The following CPA1 variants were observed in gnomAD, a reference collection of about 807,000 sequenced individuals.
CPA1 encodes the protein carboxypeptidase A1 (pancreatic).
A neutral mutation model predicts 48.7 loss-of-function variants in CPA1; 42 were observed. The ratio of observed to expected loss-of-function variants is 0.86; its 90% CI spans 0.67 to 1.11. The LOEUF is 1.11. Ranked by LOEUF, CPA1 falls within the 50% of genes most tolerant of loss-of-function variation. The pLI, the probability that CPA1 is intolerant of heterozygous loss-of-function variation, is 0.00. For missense variants in CPA1, 477 were observed against 544.7 expected, an observed-to-expected ratio of 0.88 and a Z score of 1.24; for synonymous variants, 203 against 217.9, an observed-to-expected ratio of 0.93 and a Z score of 0.60.
chr7:130,386,085 C>A (rs1796471332), intron 9 of CPA1, 162 bp downstream of exon 9: 3 of 595,150 alleles, frequency 5.0e-6, no homozygotes, highest in Non-Finnish European at 9.1e-6. Context: ...CTTTTCCTGA[C>A]ATGAACTCTG....
chr7:130,385,985 C>A, intron 9 of CPA1, 62 bp downstream of exon 9: 1 of 1,432,854 alleles, frequency 7.0e-7, no homozygotes, highest in Non-Finnish European at 9.8e-7. Context: ...CTCTTCCTGA[C>A]CGAGGGAGTA....
At position 130,385,873 on chromosome 7, in the gene CPA1, C is replaced by A. The variant is rs1374839239; in HGVS notation, c.1022C>A (p.Ala341Asp). ...QLSKAAVTALASLYGTKFNYG... is the reference protein window; with the variant it reads ...QLSKAAVTALDSLYGTKFNYG... ...TCCAAGGCTGCTGTGACAGCCCTGG[C>A]CTCTCTCTACGGGACCAAGTTCAAC... The change falls in exon 9 of 10, where the codon GCC (alanine) becomes GAC (aspartate). Residue 341 changes from alanine (A) to aspartate (D), a missense_variant. Coordinates refer to ENST00000011292, the MANE Select transcript of CPA1 (RefSeq NM_001868.4). The A allele has an allele frequency of 1.2e-6, 2 of 1,614,028 alleles. No homozygotes were observed. The highest frequency in any genetic ancestry group is 2.7e-5 in the African/African-American group (2 of 74,930).
Position 130,387,980 on chromosome 7 carries a change from T to C in CPA1, c.1229T>C (p.Ile410Thr). The C allele has an allele frequency of 1.9e-6, 3 of 1,614,114 alleles. No homozygotes were observed. The highest frequency in any genetic ancestry group is 2.5e-6 in the Non-Finnish European group (3 of 1,180,018). ...GAGACGTGGCTGGCGCTTCTGACCA[T>C]CATGGAGCACACCCTGAATCACCCC... ...AKETWLALLT[I>T]MEHTLNHPY Residue 410 changes from isoleucine (I) to threonine (T), a missense_variant, in exon 10 of 10, where the codon ATC becomes ACC. Coordinates refer to ENST00000011292, the MANE Select transcript of CPA1 (RefSeq NM_001868.4). The surrounding 1 kb of genome is among the most constrained non-coding windows in gnomAD (Gnocchi z 4.6).
chr7:130,380,941 T>A (rs1796395035), intron 1 of CPA1, 157 bp from the exon 2 acceptor site: 1 of 657,734 alleles, frequency 1.5e-6, no homozygotes. Context: ...CCCAGGCCTC[T>A]CCTTGTTGAG....
Position 130,385,847 on chromosome 7 carries a change from T to C in CPA1, c.996T>C (p.Leu332=). 6.2e-7 allele frequency: 1 copy of C among 1,613,902 alleles called. No individual in the cohort carries two copies. Among genetic ancestry groups the C allele is most frequent in the South Asian group, 1.1e-5 (1 of 90,986 alleles). The change falls in exon 9 of 10, where the codon CTT becomes CTC. Residue 332 remains leucine (L), a synonymous_variant. Coordinates refer to ENST00000011292, the MANE Select transcript of CPA1 (RefSeq NM_001868.4). ...CTTGGTGTTTTGTCCAGGATCAGCTTTCCAAGGCTGCTGTGACAGCCCTGG... is the reference window on the plus strand; with the variant it reads ...CTTGGTGTTTTGTCCAGGATCAGCTCTCCAAGGCTGCTGTGACAGCCCTGG... ...PVPDQDELDQ[L]SKAAVTALAS...
Position 130,381,760 on chromosome 7 carries a change from T to A in CPA1, c.278T>A (p.Val93Glu). The change falls in exon 3 of 10, where the codon GTG (valine) becomes GAG (glutamate). Residue 93 changes from valine (V) to glutamate (E), a missense_variant. Coordinates refer to ENST00000011292, the MANE Select transcript of CPA1 (RefSeq NM_001868.4). The stretch of plus-strand genomic sequence containing the variant: ...AGCTATGAGACCATGATCGAGGACG[T>A]GCAGTCGCTGCTGGACGAGGAGCAG... The part of the protein sequence containing the change: ...GISYETMIED[V>E]QSLLDEEQEQ... The A allele has an allele frequency of 7.4e-6, 12 of 1,614,172 alleles. No individual in the cohort carries two copies. The highest frequency in any genetic ancestry group is 1.0e-5 in the Non-Finnish European group (12 of 1,180,028).
At chr7:130,384,895 C>T (rs782588342) in intron 7 of CPA1, 3 of 606,016 alleles carry the variant, frequency 5.0e-6, no homozygotes, top group Non-Finnish European at 8.8e-6. Flanking sequence ...CCGCCTTGGC[C>T]ACGTCTCTGT....
At position 130,382,163 on chromosome 7, in the gene CPA1, T is replaced by G. The variant is rs782716199; in HGVS notation, c.437T>G (p.Ile146Ser). The G allele has an allele frequency of 1.9e-6, 3 of 1,614,226 alleles. No homozygotes were observed. Among genetic ancestry groups the G allele is most frequent in the Non-Finnish European group, 1.7e-6 (2 of 1,180,042 alleles). ...VAENPHLVSKIQIGNTYEGRP... is the reference protein window; with the variant it reads ...VAENPHLVSKSQIGNTYEGRP... ...GAGAACCCGCACCTTGTCAGCAAGA[T>G]CCAGATTGGCAACACCTATGAAGGG... Residue 146 changes from isoleucine (I) to serine (S), a missense_variant, in exon 4 of 10, where the codon ATC becomes AGC. Ile to Ser is a moderately radical substitution (Grantham distance 142). Transcript: ENST00000011292.
At chr7:130,384,674 GCTC>G in intron 7 of CPA1, 48 bp downstream of exon 7, 1 of 1,477,088 alleles carries the variant, frequency 6.8e-7, no homozygotes, top group Non-Finnish European at 9.5e-7. Flanking sequence ...GCCTCGAATG[GCTC>G]CTCACCACTG....
intron 2 of CPA1, among the ~76,000 whole-genome samples, chr7:130,381,381 A>G (rs1196382074): frequency 3.3e-5 from 5 of 151,972 alleles, no homozygotes; most frequent in African/African-American, 7.2e-5. Context: ...GCCCCTTTCC[A>G]GTTCCTCCCT....
At position 130,387,853 on chromosome 7, in the gene CPA1, A is replaced by G. The variant is rs1554412225; in HGVS notation, c.1102A>G (p.Thr368Ala). 2 of 1,614,136 alleles carry G rather than the reference A, an allele frequency of 1.2e-6. No individual in the cohort carries two copies. Among genetic ancestry groups the G allele is most frequent in the African/African-American group, 1.3e-5 (1 of 75,002 alleles). Residue 368 changes from threonine (T) to alanine (A), a missense_variant, in exon 10 of 10, where the codon ACC (threonine) becomes GCC (alanine). Transcript: ENST00000011292. This position sits in a 1 kb window ranked among gnomAD's most constrained non-coding sequence, Gnocchi z 4.6. Reference sequence around the variant, plus strand: ...AGCCAGTGGAAGCACTATTGACTGGACCTACAGCCAGGGCATCAAGTACTC... The same window carrying G: ...AGCCAGTGGAAGCACTATTGACTGGGCCTACAGCCAGGGCATCAAGTACTC... ...YQASGSTIDW[T>A]YSQGIKYSFT...
chr7:130,384,690 C>T, intron 7 of CPA1, 64 bp downstream of exon 7: 14 of 1,332,276 alleles, frequency 1.1e-5, no homozygotes, highest in Non-Finnish European at 1.5e-5. Flanking sequence ...CACCACTGCT[C>T]TTGCTCCCCG....
chr7:130,382,399 G>A (rs2117501774), intron 4 of CPA1, among the ~76,000 whole-genome samples, 190 bp downstream of exon 4: 1 of 152,304 alleles, frequency 6.6e-6, no homozygotes, highest in East Asian at 1.9e-4. Flanking sequence ...CATACACAAA[G>A]ACAGGTGATC....
At position 130,388,088 on chromosome 7, in the gene CPA1, A is replaced by ATTCTGTTCCTGGT; in HGVS notation, c.*77_*78insTTCTGTTCCTGGT. ...CCAAATAAAGTTTGAGTGTACCAGG[A>ATTCTGTTCCTGGT]ACAGAATCCTGGGGCTTGCATGTGG... On this transcript the variant is annotated 3_prime_UTR_variant, in exon 10 of 10. Transcript: ENST00000011292. 3 of 1,441,622 alleles carry ATTCTGTTCCTGGT rather than the reference A, an allele frequency of 2.1e-6. No individual in the cohort carries two copies. Among genetic ancestry groups the ATTCTGTTCCTGGT allele is most frequent in the Non-Finnish European group, 2.9e-6 (3 of 1,030,482 alleles). 89.3% of individuals were successfully genotyped at this position (1,441,622 alleles called of 1,614,324 possible). A position where few individuals can be genotyped will look rare whatever the true frequency, so the allele number is the denominator to read the frequency against.
At chr7:130,386,601 T>C (rs1796480244) in intron 9 of CPA1, among the ~76,000 whole-genome samples, 1 of 152,090 alleles carries the variant, frequency 6.6e-6, no homozygotes, top group Admixed American at 6.5e-5. Context: ...GATTTATTCC[T>C]CACTTACTTA....
At position 130,384,626 on chromosome 7, in the gene CPA1, T is replaced by C. The variant is rs782458397; in HGVS notation, c.787T>C (p.Leu263=). Residue 263 remains leucine, a splice_region_variant and synonymous_variant, in exon 7 of 10, where the codon TTG becomes CTG. Coordinates refer to ENST00000011292, the MANE Select transcript of CPA1 (RefSeq NM_001868.4). The part of the protein sequence containing the change: ...PNRNWDAGFG[L]SGASSNPCSE... ...CAGGAACTGGGACGCTGGCTTTGGGTGTAAGGCCCAGAGTGTCTTGGGAGC... is the reference window on the plus strand; with the variant it reads ...CAGGAACTGGGACGCTGGCTTTGGGCGTAAGGCCCAGAGTGTCTTGGGAGC... 1.7e-5 allele frequency: 27 copies of C among 1,612,918 alleles called. No individual in the cohort carries two copies. Among genetic ancestry groups the C allele is most frequent in the African/African-American group, 2.7e-5 (2 of 74,876 alleles).
chr7:130,385,646 T>C (rs1240837796), intron 8 of CPA1, among the ~76,000 whole-genome samples, 193 bp from the exon 9 acceptor site: 1 of 152,170 alleles, frequency 6.6e-6, no homozygotes, highest in Non-Finnish European at 1.5e-5. Flanking sequence ...CCGGACACCC[T>C]GAAGGGCCAG....
Position 130,381,079 on chromosome 7 carries a change from C to G in CPA1, c.66-19C>G. The G allele has an allele frequency of 6.2e-7, 1 of 1,608,520 alleles. No individual in the cohort carries two copies. Among genetic ancestry groups the G allele is most frequent in the Non-Finnish European group, 8.5e-7 (1 of 1,176,390 alleles). ...CAGGTGCAGCTTGGGTGCTCACTCC[C>G]CACTCCCACTCTGCCCAGGCATCAG... On this transcript the variant is annotated intron_variant, in intron 1 of 9. Transcript: ENST00000011292.
Position 130,381,502 on chromosome 7 carries a change from T to C in CPA1, c.148-128T>C, listed in dbSNP as rs1554411170. The C allele has an allele frequency of 1.0e-5, 7 of 684,076 alleles. No homozygotes were observed. In the East Asian group the frequency reaches 1.9e-4, roughly 18 times the overall value. 42.4% of individuals were successfully genotyped at this position (684,076 alleles called of 1,614,324 possible). A position where few individuals can be genotyped will look rare whatever the true frequency, so the allele number is the denominator to read the frequency against. On this transcript the variant is annotated intron_variant, in intron 2 of 9. Transcript: ENST00000011292. ...CGTATTTCTCTGGCCCTATTACCCC[T>C]GACCTATCCCCAATTATATGAGAAC...
Sources: gnomAD v4.1 joint callset for allele counts (sites outside exome capture counted in the v4.1 genomes callset) on GRCh38, gnomAD v4.1.1 for gene constraint, Gnocchi (gnomAD v3.1) non-coding constraint, MANE v1.5 for transcripts, NCBI Gene and HGNC (gene_info 2026-07-23, HGNC 2026-07-21) for gene names.